SLCO1B3: variants seen among roughly 807,000 people sequenced by gnomAD.
SLCO1B3 encodes liver-specific organic anion transporter 2.
In SLCO1B3, 72 loss-of-function variants were observed where a neutral mutation model predicts 71.8. The observed-to-expected ratio is 1.00, with a 90% CI of 0.83 to 1.22. The LOEUF (loss-of-function observed/expected upper bound fraction) is 1.22, where lower values mean the gene tolerates loss of function less well. Ranked by LOEUF, SLCO1B3 falls within the 50% of genes most tolerant of loss-of-function variation. The probability of loss-of-function intolerance (pLI) is 0.00; values close to 1 mark genes in which losing one functional copy is unlikely to be tolerated. For synonymous variants in SLCO1B3, 298 were observed against 278.4 expected (o/e 1.07, Z -0.70); for missense variants, 911 against 819.7 (o/e 1.11, Z -1.36).
chr12:20,819,048 A>C (rs976047162), intron 3 of SLCO1B3, among the ~76,000 whole-genome samples: 11 of 152,218 alleles, frequency 7.2e-5, no homozygotes, highest in Non-Finnish European at 1.6e-4. Context: ...AGTTGAGCAT[A>C]GTTTGTGATT....
At chr12:20,857,900 T>C (rs796538575) in intron 4 of SLCO1B3, among the ~76,000 whole-genome samples, 13 of 152,236 alleles carry the variant, frequency 8.5e-5, no homozygotes, top group African/African-American at 3.1e-4. Flanking sequence ...TAATGTATCC[T>C]CCAGGAAACT....
chr12:20,889,671 A>AT lies in SLCO1B3; in HGVS notation c.1682+6076dup, dbSNP rs200273762. Among the ~76,000 whole-genome samples, 173 of 151,756 alleles carry AT rather than the reference A, an allele frequency of 1.1e-3. 3 individuals are homozygous for AT. The East Asian group carries it at 0.028, about 25-fold the overall frequency. ...CTTTTTATTTCACTGATCCTTTGTA[A>AT]TTTTTTTGCCCAAATCTCATTTAGA... On this transcript the variant is annotated intron_variant, in intron 13 of 15. Coordinates refer to ENST00000381545, the MANE Select transcript of SLCO1B3 (RefSeq NM_019844.4).
intron 3 of SLCO1B3, among the ~76,000 whole-genome samples, chr12:20,849,157 A>C (rs1057122939): frequency 1.3e-5 from 2 of 151,980 alleles, no homozygotes; most frequent in Non-Finnish European, 2.9e-5. Context: ...TAAGTATATT[A>C]AAAAATTTTT....
chr12:20,821,513 A>G (rs970272396), intron 3 of SLCO1B3, among the ~76,000 whole-genome samples: 3 of 152,002 alleles, frequency 2.0e-5, no homozygotes, highest in South Asian at 2.1e-4. Context: ...CGGAGAAGTG[A>G]TGGGGGTTTC....
At chr12:20,845,702 TG>T (rs1167307934) in intron 3 of SLCO1B3, among the ~76,000 whole-genome samples, 1 of 152,206 alleles carries the variant, frequency 6.6e-6, no homozygotes, top group Non-Finnish European at 1.5e-5. Flanking sequence ...CTGCAGTTCT[TG>T]GGTAGAATGT....
intron 8 of SLCO1B3, among the ~76,000 whole-genome samples, chr12:20,867,406 A>C (rs552888574): frequency 1.1e-4 from 17 of 152,192 alleles, no homozygotes; most frequent in African/African-American, 3.9e-4. Flanking sequence ...CATTCAAGAA[A>C]ATTATGAAGA....
intron 3 of SLCO1B3, among the ~76,000 whole-genome samples, chr12:20,820,127 A>G (rs1307158257): frequency 1.3e-5 from 2 of 152,104 alleles, no homozygotes; most frequent in African/African-American, 2.4e-5. Flanking sequence ...CAAGGGAAAC[A>G]GGCCCTTGAA....
chr12:20,880,995 C>T lies in SLCO1B3; in HGVS notation c.1472C>T (p.Ser491Phe). The change falls in exon 12 of 16, where the codon TCC (serine) becomes TTC (phenylalanine). Residue 491 changes from serine (S) to phenylalanine (F), a missense_variant. By Grantham distance (155) the Ser-to-Phe change is radical. Coordinates refer to ENST00000381545, the MANE Select transcript of SLCO1B3 (RefSeq NM_019844.4). ...YLSPCLAGCK[S>F]SSGIKKHTVF... ...TCACCTTGTCTAGCAGGATGCAAATCCTCAAGTGGTATTAAAAAGCATACA... is the reference window on the plus strand; with the variant it reads ...TCACCTTGTCTAGCAGGATGCAAATTCTCAAGTGGTATTAAAAAGCATACA... 6.2e-7 allele frequency: 1 copy of T among 1,610,144 alleles called. No individual in the cohort carries two copies. Among genetic ancestry groups the T allele is most frequent in the Non-Finnish European group, 8.5e-7 (1 of 1,177,936 alleles).
intron 13 of SLCO1B3, among the ~76,000 whole-genome samples, chr12:20,895,564 C>T (rs188007703): frequency 1.4e-4 from 21 of 152,224 alleles, no homozygotes; most frequent in Non-Finnish European, 2.5e-4. Flanking sequence ...GGTAGGTTCC[C>T]GTAGTCTTGG....
chr12:20,897,205 C>G (rs145652441), intron 13 of SLCO1B3, among the ~76,000 whole-genome samples: 14 of 152,156 alleles, frequency 9.2e-5, no homozygotes, highest in African/African-American at 2.7e-4. Flanking sequence ...AAAGCAGGGC[C>G]AAAACACACT....
chr12:20,876,385 C>T (rs995628684), intron 9 of SLCO1B3, among the ~76,000 whole-genome samples: 1 of 152,128 alleles, frequency 6.6e-6, no homozygotes, highest in African/African-American at 2.4e-5. Context: ...GCAGTGCAAC[C>T]AACACTTAAA....
chr12:20,855,170 G>A lies in SLCO1B3; in HGVS notation c.226+1G>A. 1 of 1,604,996 alleles carries A rather than the reference G, an allele frequency of 6.2e-7. No homozygotes were observed. Among genetic ancestry groups the A allele is most frequent in the Non-Finnish European group, 8.5e-7 (1 of 1,175,526 alleles). On this transcript the variant is annotated splice_donor_variant, in intron 4 of 15. Transcript: ENST00000381545. LOFTEE classifies it high-confidence loss of function. ...TTAATTGATGGAAGCTTTGAAATTG[G>A]TAACTTTTATTTTTTCTATTTGATA...
At chr12:20,819,544 T>G (rs1056314923) in intron 3 of SLCO1B3, among the ~76,000 whole-genome samples, 1 of 151,984 alleles carries the variant, frequency 6.6e-6, no homozygotes, top group African/African-American at 2.4e-5. Flanking sequence ...TTGAGGATAG[T>G]AGAGTATATG....
chr12:20,864,557 G>T (rs1865335310), intron 8 of SLCO1B3, among the ~76,000 whole-genome samples: 2 of 152,088 alleles, frequency 1.3e-5, no homozygotes, highest in South Asian at 4.1e-4. Context: ...TAGACATGTG[G>T]CTTAGTGTAG....
chr12:20,838,699 A>C (rs757492848), intron 3 of SLCO1B3, among the ~76,000 whole-genome samples: 4 of 152,064 alleles, frequency 2.6e-5, no homozygotes, highest in African/African-American at 9.7e-5. Flanking sequence ...GTATCTAAGC[A>C]TAGAAAAAGT....
At chr12:20,904,475 C>T (rs938102959) in intron 15 of SLCO1B3, among the ~76,000 whole-genome samples, 4 of 152,076 alleles carry the variant, frequency 2.6e-5, no homozygotes, top group Non-Finnish European at 5.9e-5. Context: ...CTTTGGGCAG[C>T]TCCACTCCTG....
intron 9 of SLCO1B3, among the ~76,000 whole-genome samples, chr12:20,875,796 T>C (rs1363780247): frequency 6.6e-6 from 1 of 152,130 alleles, no homozygotes; most frequent in African/African-American, 2.4e-5. Context: ...TAAAGGATTA[T>C]AATTTTTCAT....
chr12:20,837,547 C>T (rs967887229), intron 3 of SLCO1B3, among the ~76,000 whole-genome samples: 2 of 151,984 alleles, frequency 1.3e-5, no homozygotes, highest in Admixed American at 1.3e-4. Flanking sequence ...TATTTAAAAA[C>T]TTATCTTGAG....
intron 8 of SLCO1B3, among the ~76,000 whole-genome samples, chr12:20,873,120 T>C (rs1305900369): frequency 6.6e-6 from 1 of 152,192 alleles, no homozygotes; most frequent in Non-Finnish European, 1.5e-5. Context: ...TCTTACCTCA[T>C]CACTCTGCTT....
Sources: allele counts gnomAD v4.1 joint callset (sites outside exome capture counted in the v4.1 genomes callset), GRCh38; gene constraint gnomAD v4.1.1; transcripts MANE v1.5; gene names NCBI Gene and HGNC (gene_info 2026-07-23, HGNC 2026-07-21).